The following PTPRD variants were observed in gnomAD, a reference collection of about 807,000 sequenced individuals.
The protein encoded by PTPRD is receptor-type tyrosine-protein phosphatase delta.
A neutral mutation model predicts 214.5 loss-of-function variants in PTPRD; 34 were observed. The observed-to-expected ratio is 0.16, with a 90% CI of 0.12 to 0.21. PTPRD has a LOEUF of 0.21. Ranked by LOEUF, PTPRD falls within the 10% of genes least tolerant of loss-of-function variation. The pLI, the probability that PTPRD is intolerant of heterozygous loss-of-function variation, is 1.00. For synonymous variants in PTPRD, 1,128 were observed against 845.7 expected (o/e 1.33, Z -5.79); for missense variants, 2,545 against 2,398.7 (o/e 1.06, Z -1.27).
At chr9:9,626,666 A>G (rs912748658) in intron 7 of PTPRD, among the ~76,000 whole-genome samples, 11 of 152,210 alleles carry the variant, frequency 7.2e-5, no homozygotes, top group African/African-American at 2.7e-4. Context: ...TTATGACACA[A>G]GTACTGTACA....
intron 12 of PTPRD, chr9:8,713,939 C>A (rs2042593151): frequency 1.5e-6 from 1 of 658,942 alleles, no homozygotes; most frequent in Non-Finnish European, 2.6e-6. Flanking sequence ...ACTTGGAGGA[C>A]CATGGTGAGA....
chr9:8,685,883 T>C (rs548570088), intron 12 of PTPRD, among the ~76,000 whole-genome samples: 4 of 152,224 alleles, frequency 2.6e-5, no homozygotes, highest in Non-Finnish European at 5.9e-5. Flanking sequence ...GGCTCCTCTT[T>C]ATTATGTCTT....
At chr9:9,931,788 A>G (rs1458890318) in intron 5 of PTPRD, among the ~76,000 whole-genome samples, 1 of 151,728 alleles carries the variant, frequency 6.6e-6, no homozygotes, top group Non-Finnish European at 1.5e-5. Context: ...ACAGACAAAC[A>G]AAAAGACAGC....
chr9:9,170,974 G>A (rs186138511), intron 10 of PTPRD, among the ~76,000 whole-genome samples: 14 of 152,270 alleles, frequency 9.2e-5, no homozygotes, highest in African/African-American at 3.4e-4. Context: ...CTTGATGTGG[G>A]TTACAGGCTC....
At chr9:10,494,474 C>G (rs1050090562) in intron 2 of PTPRD, among the ~76,000 whole-genome samples, 1 of 151,630 alleles carries the variant, frequency 6.6e-6, no homozygotes, top group Non-Finnish European at 1.5e-5. Context: ...TGCCTAGATG[C>G]TATTAGTCTC....
intron 8 of PTPRD, among the ~76,000 whole-genome samples, chr9:9,410,615 G>A (rs1040688734): frequency 6.6e-6 from 1 of 152,186 alleles, no homozygotes; most frequent in Non-Finnish European, 1.5e-5. Context: ...GCTTTTGCTG[G>A]TGGAGGGAAA....
At chr9:8,488,659 A>G (rs1380849375) in intron 27 of PTPRD, among the ~76,000 whole-genome samples, 1 of 152,220 alleles carries the variant, frequency 6.6e-6, no homozygotes, top group Non-Finnish European at 1.5e-5. Flanking sequence ...TATATTTACA[A>G]TTATCTTAAT....
chr9:9,490,844 CA>C (rs2095862153), intron 8 of PTPRD, among the ~76,000 whole-genome samples: 1 of 151,256 alleles, frequency 6.6e-6, no homozygotes, highest in African/African-American at 2.4e-5. Context: ...AAAAAAATAG[CA>C]AAAAGACAGA....
intron 10 of PTPRD, among the ~76,000 whole-genome samples, chr9:9,027,317 C>T (rs1487092279): frequency 6.6e-6 from 1 of 151,836 alleles, no homozygotes; most frequent in African/African-American, 2.4e-5. Flanking sequence ...TATATATCTG[C>T]ATGTTCAGCT....
chr9:10,390,149 T>A (rs2098027298), intron 2 of PTPRD, among the ~76,000 whole-genome samples: 1 of 151,972 alleles, frequency 6.6e-6, no homozygotes, highest in East Asian at 2.0e-4. Flanking sequence ...AAACACAACA[T>A]AATTTCATAT....
Position 10,474,158 on chromosome 9 carries a change from G to T in PTPRD, c.-599-133141C>A, listed in dbSNP as rs1043787331. Among the ~76,000 whole-genome samples, 13 of 152,110 alleles carry T rather than the reference G, an allele frequency of 8.5e-5. No individual in the cohort carries two copies. In the East Asian group the frequency reaches 2.1e-3, roughly 25 times the overall value. ...CAATATGAACCTTAAATGTAAATGG[G>T]CTAAATGCCCAATTAAAAGACACAG... On this transcript the variant is annotated intron_variant, in intron 2 of 45. Transcript: ENST00000381196.
intron 2 of PTPRD, among the ~76,000 whole-genome samples, chr9:10,371,334 T>C (rs1031458099): frequency 2.3e-4 from 35 of 152,108 alleles, no homozygotes; most frequent in Non-Finnish European, 1.2e-4. Context: ...TCGTTGGCTA[T>C]ATAACTGAGT....
intron 44 of PTPRD, among the ~76,000 whole-genome samples, chr9:8,320,184 A>G (rs1190712058): frequency 1.3e-5 from 2 of 152,164 alleles, no homozygotes; most frequent in Non-Finnish European, 2.9e-5. Flanking sequence ...GAGTAAGTCT[A>G]ATAAAAGGTC....
chr9:10,249,472 T>G (rs2092569398), intron 3 of PTPRD, among the ~76,000 whole-genome samples: 1 of 152,172 alleles, frequency 6.6e-6, no homozygotes, highest in Admixed American at 6.6e-5. Context: ...TCCTTGAAGC[T>G]GGTTTGATAC....
chr9:9,772,774 T>C (rs564716273), intron 5 of PTPRD, among the ~76,000 whole-genome samples: 1 of 149,862 alleles, frequency 6.7e-6, no homozygotes, highest in East Asian at 2.3e-4. Flanking sequence ...TCTTCACTCA[T>C]TGCTGGTGGC....
At chr9:9,477,875 T>C (rs2095179197) in intron 8 of PTPRD, among the ~76,000 whole-genome samples, 1 of 152,186 alleles carries the variant, frequency 6.6e-6, no homozygotes, top group Non-Finnish European at 1.5e-5. Flanking sequence ...TCTTTGTTGA[T>C]TCTCAAATTG....
At chr9:10,466,516 G>C (rs547953614) in intron 2 of PTPRD, among the ~76,000 whole-genome samples, 1 of 150,694 alleles carries the variant, frequency 6.6e-6, no homozygotes, top group Non-Finnish European at 1.5e-5. Flanking sequence ...CCAGCTACTC[G>C]GGAGGCTGAG....
chr9:8,397,456 T>C (rs2091452677), intron 36 of PTPRD, among the ~76,000 whole-genome samples: 1 of 152,198 alleles, frequency 6.6e-6, no homozygotes, highest in Admixed American at 6.6e-5. Context: ...CATATTTTCC[T>C]AGGTTTTTTT....
At chr9:9,823,265 T>G (rs534264449) in intron 5 of PTPRD, among the ~76,000 whole-genome samples, 29 of 152,054 alleles carry the variant, frequency 1.9e-4, no homozygotes, top group South Asian at 4.2e-4. Context: ...TCAGGAAGCT[T>G]ACAATCATGA....
Sources: allele counts gnomAD v4.1 joint callset (sites outside exome capture counted in the v4.1 genomes callset), GRCh38; gene constraint gnomAD v4.1.1; transcripts MANE v1.5; gene names NCBI Gene and HGNC (gene_info 2026-07-23, HGNC 2026-07-21).